APP: variants seen among roughly 807,000 people sequenced by gnomAD.
The protein encoded by APP is amyloid beta precursor protein.
Under a neutral mutation model 101.4 loss-of-function variants are expected in APP, and 31 were observed. The ratio of observed to expected loss-of-function variants is 0.31; its 90% confidence interval spans 0.23 to 0.41. The LOEUF (loss-of-function observed/expected upper bound fraction) is 0.41. Ranked by LOEUF, APP falls within the 10% of genes least tolerant of loss-of-function variation. The pLI is 1.00. For missense variants in APP, 839 were observed against 1,003.7 expected (o/e 0.84, Z 2.22); for synonymous variants, 366 against 364.4 (o/e 1.00, Z -0.05).
At chr21:26,082,855 C>T (rs547082997) in intron 3 of APP, among the ~76,000 whole-genome samples, 2 of 147,368 alleles carry the variant, frequency 1.4e-5, no homozygotes, top group South Asian at 2.1e-4. Context: ...ACAATGAATA[C>T]GTAACTGACC....
At chr21:26,102,479 A>G (rs974148183) in intron 2 of APP, among the ~76,000 whole-genome samples, 1 of 152,310 alleles carries the variant, frequency 6.6e-6, no homozygotes, top group South Asian at 2.1e-4. Flanking sequence ...TGGTTTTAGA[A>G]TATGTTTCAA....
chr21:26,137,682 G>C (rs1408811091), intron 1 of APP, among the ~76,000 whole-genome samples: 2 of 152,094 alleles, frequency 1.3e-5, no homozygotes, highest in Admixed American at 6.6e-5. Context: ...AGAAACTCCA[G>C]ATAGAATTTT....
At chr21:25,902,732 A>AAT (rs1338597063) in intron 15 of APP, among the ~76,000 whole-genome samples, 6 of 152,230 alleles carry the variant, frequency 3.9e-5, no homozygotes, top group African/African-American at 1.4e-4. Flanking sequence ...ATCACAGAAC[A>AAT]TTCTTGTTAG....
intron 13 of APP, among the ~76,000 whole-genome samples, chr21:25,926,865 T>C (rs567451283): frequency 6.6e-6 from 1 of 151,706 alleles, no homozygotes; most frequent in African/African-American, 2.4e-5. Context: ...ATTAGCCAGA[T>C]GTGGTGGTGG....
chr21:26,020,822 T>C (rs1601234210), intron 6 of APP, among the ~76,000 whole-genome samples: 2 of 151,798 alleles, frequency 1.3e-5, no homozygotes, highest in African/African-American at 4.9e-5. Flanking sequence ...TAATATCAAC[T>C]GAATGTTTGT....
chr21:26,019,112 A>C (rs2044223550), intron 6 of APP, among the ~76,000 whole-genome samples: 1 of 152,226 alleles, frequency 6.6e-6, no homozygotes, highest in Non-Finnish European at 1.5e-5. Flanking sequence ...CTGTTACCTC[A>C]ACAGTACTAG....
intron 13 of APP, among the ~76,000 whole-genome samples, chr21:25,952,227 T>A (rs216782): frequency 1.8e-5 from 2 of 108,900 alleles, no homozygotes; most frequent in Non-Finnish European, 4.2e-5. Context: ...CACACACACA[T>A]TAAGAGCACA....
chr21:25,910,008 G>A (rs1055692368), intron 14 of APP, among the ~76,000 whole-genome samples: 1 of 152,096 alleles, frequency 6.6e-6, no homozygotes, highest in African/African-American at 2.4e-5. Flanking sequence ...TGTGAAAATA[G>A]TCTATATATT....
intron 13 of APP, among the ~76,000 whole-genome samples, chr21:25,931,782 G>A (rs1259204016): frequency 6.6e-6 from 1 of 152,152 alleles, no homozygotes; most frequent in Admixed American, 6.5e-5. Context: ...GGGGGAGAAA[G>A]GTTCTGTTTA....
At chr21:26,044,606 C>G in intron 5 of APP, among the ~76,000 whole-genome samples, 1 of 152,120 alleles carries the variant, frequency 6.6e-6, no homozygotes, top group East Asian at 1.9e-4. Context: ...ATGGTGCAAT[C>G]TTGGCTCACT....
At position 26,170,729 on chromosome 21, in the gene APP, C is replaced by G; in HGVS notation, c.-109G>C. The G allele has an allele frequency of 8.4e-7, 1 of 1,188,568 alleles. No individual in the cohort carries two copies. Among genetic ancestry groups the G allele is most frequent in the Non-Finnish European group, 1.1e-6 (1 of 894,452 alleles). The allele number at this position is 1,188,568 out of a possible 1,614,324, so 73.6% of individuals were successfully genotyped here. A position where few individuals can be genotyped will look rare whatever the true frequency, so the allele number is the denominator to read the frequency against. On this transcript the variant is annotated 5_prime_UTR_variant, in exon 1 of 18. Coordinates refer to ENST00000346798, the MANE Select transcript of APP (RefSeq NM_000484.4). ...CCGTCTCCCGGGGCCCCCGCGCACG[C>G]TCCTCCGCGTGCTCTCGCCTACCGC... is the stretch of plus-strand genomic sequence containing the variant.
At chr21:26,094,011 G>A (rs1241417134) in intron 2 of APP, among the ~76,000 whole-genome samples, 3 of 151,860 alleles carry the variant, frequency 2.0e-5, no homozygotes, top group Admixed American at 1.3e-4. Flanking sequence ...AGCTACTCCG[G>A]AGGCTGAGGC....
At chr21:26,170,824 C>A (rs982156059), upstream of APP, 1 of 523,438 alleles carries the variant, frequency 1.9e-6, no homozygotes, top group Non-Finnish European at 3.2e-6. Flanking sequence ...CTGATCCGGC[C>A]CACCCCGCTC....
rs566845039 is a variant in APP at position 25,957,885 on chromosome 21, T to G, written c.1459-2130A>C. On this transcript the variant is annotated intron_variant, in intron 11 of 17. Coordinates refer to ENST00000346798, the MANE Select transcript of APP (RefSeq NM_000484.4). Reference sequence around the variant, plus strand: ...TGCAGTTCCAGCTACTTGGGAAGCTTGGTCAGGAGGATTATTTGAACCCAG... The same window carrying G: ...TGCAGTTCCAGCTACTTGGGAAGCTGGGTCAGGAGGATTATTTGAACCCAG... Among the ~76,000 whole-genome samples the G allele has an allele frequency of 5.3e-5, 8 of 152,138 alleles. No homozygotes were observed. The South Asian group carries it at 1.7e-3, about 32-fold the overall frequency.
At chr21:25,943,964 T>C (rs1049964528) in intron 13 of APP, among the ~76,000 whole-genome samples, 10 of 152,152 alleles carry the variant, frequency 6.6e-5, no homozygotes, top group African/African-American at 2.4e-4. Context: ...TTCAATGCTA[T>C]ACAGGAAGCT....
intron 8 of APP, among the ~76,000 whole-genome samples, chr21:25,986,480 C>T (rs1002378791): frequency 2.6e-5 from 4 of 151,906 alleles, no homozygotes; most frequent in Non-Finnish European, 5.9e-5. Context: ...CCGAGGTGGA[C>T]GGAAGTTTGA....
At chr21:26,144,576 G>A (rs995765310) in intron 1 of APP, among the ~76,000 whole-genome samples, 6 of 152,026 alleles carry the variant, frequency 3.9e-5, no homozygotes, top group Non-Finnish European at 7.4e-5. Context: ...AAATTTAAAA[G>A]TCAGTTACAA....
intron 5 of APP, among the ~76,000 whole-genome samples, chr21:26,032,962 C>A (rs532160782): frequency 6.6e-6 from 1 of 152,078 alleles, no homozygotes; most frequent in East Asian, 1.9e-4. Context: ...ATGGGCTGAA[C>A]AAAGAATGTT....
intron 13 of APP, among the ~76,000 whole-genome samples, chr21:25,931,367 G>C (rs942927812): frequency 3.3e-5 from 5 of 152,190 alleles, no homozygotes; most frequent in African/African-American, 9.7e-5. Context: ...AAGTGAAAAG[G>C]GAAGCAGCTT....
Sources: gnomAD v4.1 joint callset for allele counts (sites outside exome capture counted in the v4.1 genomes callset) on GRCh38, gnomAD v4.1.1 for gene constraint, MANE v1.5 for transcripts, NCBI Gene and HGNC (gene_info 2026-07-23, HGNC 2026-07-21) for gene names.